The following SLC44A3 variants were observed in gnomAD, a reference collection of about 807,000 sequenced individuals.
SLC44A3 encodes choline transporter-like protein 3.
A neutral mutation model predicts 75.4 loss-of-function variants in SLC44A3; 74 were observed. The observed-to-expected ratio is 0.98, with a 90% CI of 0.81 to 1.19. SLC44A3 has a LOEUF of 1.19. Ranked by LOEUF, SLC44A3 falls within the 50% of genes most tolerant of loss-of-function variation. The probability of loss-of-function intolerance (pLI) is 0.00; values close to 1 mark genes in which losing one functional copy is unlikely to be tolerated. For synonymous variants in SLC44A3, 310 were observed against 296.9 expected (o/e 1.04, Z -0.45); for missense variants, 700 against 778.6 (o/e 0.90, Z 1.20).
chr1:94,837,841 A>G lies in SLC44A3; in HGVS notation c.640A>G (p.Thr214Ala). ...AAGTGGAATCATGTCGGGAAGAGATACAATCCTTGGCCTGTGTATCCTCGC... is the reference window on the plus strand; with the variant it reads ...AAGTGGAATCATGTCGGGAAGAGATGCAATCCTTGGCCTGTGTATCCTCGC... Reference protein sequence around the residue: ...ILSGIMSGRDTILGLCILALA... With the variant: ...ILSGIMSGRDAILGLCILALA... Residue 214 changes from threonine (T) to alanine (A), a missense_variant, in exon 6 of 15, where the codon ACA becomes GCA. Physicochemically the swap from Thr to Ala is moderately conservative, Grantham distance 58. Coordinates refer to ENST00000271227, the MANE Select transcript of SLC44A3 (RefSeq NM_001114106.3). 1 of 1,609,820 alleles carries G rather than the reference A, an allele frequency of 6.2e-7. No homozygotes were observed. The highest frequency in any genetic ancestry group is 1.1e-5 in the South Asian group (1 of 89,574).
chr1:94,827,766 T>A, intron 4 of SLC44A3, 123 bp downstream of exon 4: 1 of 1,203,396 alleles, frequency 8.3e-7, no homozygotes, highest in East Asian at 2.4e-5. Context: ...TCCTTGTGGG[T>A]GCCTCTTTTT....
chr1:94,856,763 C>G (rs553155251), intron 9 of SLC44A3, among the ~76,000 whole-genome samples: 1 of 152,186 alleles, frequency 6.6e-6, no homozygotes, highest in East Asian at 1.9e-4. Context: ...TGGAATCTTG[C>G]TCTGTCACCC....
At chr1:94,858,707 A>G (rs199516647) in intron 10 of SLC44A3, among the ~76,000 whole-genome samples, 3 of 110,444 alleles carry the variant, frequency 2.7e-5, no homozygotes, top group South Asian at 3.1e-4. Flanking sequence ...TTGTTTGTTT[A>G]TTGAGACGGA....
At chr1:94,859,680 G>A (rs1350483481) in intron 10 of SLC44A3, among the ~76,000 whole-genome samples, 1 of 152,204 alleles carries the variant, frequency 6.6e-6, no homozygotes, top group Non-Finnish European at 1.5e-5. Flanking sequence ...AGAGGGCCTG[G>A]ACTTGGGGTA....
chr1:94,857,293 G>A (rs11803046), intron 9 of SLC44A3, 42 bp from the exon 10 acceptor site: 9 of 1,525,506 alleles, frequency 5.9e-6, no homozygotes, highest in Non-Finnish European at 7.9e-6. Context: ...TTCATGCTTA[G>A]GAAAACATTG....
chr1:94,850,828 TC>T (rs1665126042), intron 9 of SLC44A3, among the ~76,000 whole-genome samples: 1 of 152,228 alleles, frequency 6.6e-6, no homozygotes, highest in African/African-American at 2.4e-5. Context: ...TTCTTTGCTT[TC>T]TCTGGCACAT....
Position 94,895,203 on chromosome 1 carries a change from T to C in SLC44A3, c.*281T>C, listed in dbSNP as rs758348101. The C allele has an allele frequency of 5.6e-5, 16 of 285,950 alleles. No individual in the cohort carries two copies. The highest frequency in any genetic ancestry group is 9.3e-5 in the Admixed American group (2 of 21,492). 17.7% of individuals were successfully genotyped at this position (285,950 alleles called of 1,614,324 possible). A position where few individuals can be genotyped will look rare whatever the true frequency, so the allele number is the denominator to read the frequency against. ...TACACTATGTAAGAACTGAGGTAAGTTTGTAAGTGCACAACTAATAAATAA... is the reference window on the plus strand; with the variant it reads ...TACACTATGTAAGAACTGAGGTAAGCTTGTAAGTGCACAACTAATAAATAA... On this transcript the variant is annotated 3_prime_UTR_variant, in exon 15 of 15. Transcript: ENST00000271227.
chr1:94,829,637 T>G (rs1661857350), intron 5 of SLC44A3, among the ~76,000 whole-genome samples: 1 of 152,236 alleles, frequency 6.6e-6, no homozygotes, highest in African/African-American at 2.4e-5. Flanking sequence ...TGAGTGTTTA[T>G]TGCCACCATT....
chr1:94,822,301 C>T (rs924689264), intron 2 of SLC44A3, among the ~76,000 whole-genome samples: 7 of 152,118 alleles, frequency 4.6e-5, no homozygotes, highest in African/African-American at 1.7e-4. Flanking sequence ...AGAGGTGGCA[C>T]GGAGCTGGAA....
chr1:94,841,918 G>GACTT, intron 7 of SLC44A3, 82 bp from the exon 8 acceptor site: 1 of 1,499,532 alleles, frequency 6.7e-7, no homozygotes, highest in East Asian at 2.5e-5. Flanking sequence ...GCAGTGGCTG[G>GACTT]ACTTCCTGTG....
chr1:94,848,835 C>T lies in SLC44A3; in HGVS notation c.1072+3371C>T, dbSNP rs115397872. ...AGCTATGGGAACACCAGAACAAGGC[C>T]GTAACCCATGCTGTGAGTCAGGGAG... On this transcript the variant is annotated intron_variant, in intron 9 of 14. Transcript: ENST00000271227. 8.0e-3 allele frequency among the ~76,000 whole-genome samples: 1,210 copies of T among 152,156 alleles called. 20 individuals are homozygous for T. The highest frequency in any genetic ancestry group is 0.028 in the African/African-American group (1,149 of 41,518).
At chr1:94,838,759 A>C (rs1663159362) in intron 6 of SLC44A3, among the ~76,000 whole-genome samples, 1 of 152,224 alleles carries the variant, frequency 6.6e-6, no homozygotes, top group Admixed American at 6.5e-5. Context: ...GACTCAAACA[A>C]GATGCTTTGA....
chr1:94,855,623 T>G (rs1665780511), intron 9 of SLC44A3, among the ~76,000 whole-genome samples: 1 of 152,154 alleles, frequency 6.6e-6, no homozygotes. Context: ...AACATTAACC[T>G]CTCTATAAAT....
rs1472343799 is a variant in SLC44A3, at chr1:94,840,181, T to G, written c.760+144T>G. On this transcript the variant is annotated intron_variant, in intron 7 of 14. Transcript: ENST00000271227. ...CTGTCACTTTACAAATGAGAAAACT[T>G]GGCCTCAGGGAGGACGATGGGAGTT... The G allele has an allele frequency of 4.3e-6, 3 of 690,240 alleles. No individual in the cohort carries two copies. In the African/African-American group the frequency reaches 5.4e-5, roughly 12 times the overall value. The allele number at this position is 690,240 out of a possible 1,614,324, so 42.8% of individuals were successfully genotyped here.
chr1:94,825,660 T>G (rs1277934685), intron 3 of SLC44A3, among the ~76,000 whole-genome samples: 1 of 152,172 alleles, frequency 6.6e-6, no homozygotes, highest in Non-Finnish European at 1.5e-5. Flanking sequence ...ATAATAAAAG[T>G]AGCTCCTAGA....
intron 12 of SLC44A3, among the ~76,000 whole-genome samples, chr1:94,879,878 AG>A (rs1209611102): frequency 6.6e-6 from 1 of 152,126 alleles, no homozygotes; most frequent in East Asian, 1.9e-4. Context: ...AAGGACTTGA[AG>A]AGACATTTCT....
At chr1:94,853,792 G>A (rs1665513506) in intron 9 of SLC44A3, among the ~76,000 whole-genome samples, 1 of 152,094 alleles carries the variant, frequency 6.6e-6, no homozygotes, top group East Asian at 1.9e-4. Context: ...GGCAGAAGAA[G>A]GGGAAACAAA....
At position 94,820,370 on chromosome 1, in the gene SLC44A3, GC is replaced by G; in HGVS notation, c.-78del. 7.3e-7 allele frequency: 1 copy of G among 1,363,574 alleles called. No individual in the cohort carries two copies. The highest frequency in any genetic ancestry group is 9.4e-7 in the Non-Finnish European group (1 of 1,061,266). 84.5% of individuals were successfully genotyped at this position (1,363,574 alleles called of 1,614,324 possible). A position where few individuals can be genotyped will look rare whatever the true frequency, so the allele number is the denominator to read the frequency against. On this transcript the variant is annotated 5_prime_UTR_variant, in exon 1 of 15. Transcript: ENST00000271227. ...AGCCCCAGCCCCAGCCCCGGCCCCG[GC>G]CCCGGCTCGCGGGCGCTGCGTCTCC... is the stretch of plus-strand genomic sequence containing the variant.
chr1:94,831,461 T>C lies in SLC44A3; in HGVS notation c.509+2875T>C, dbSNP rs186659666. 1.1e-3 allele frequency among the ~76,000 whole-genome samples: 175 copies of C among 152,356 alleles called. 1 individual carries two copies. Among genetic ancestry groups the C allele is most frequent in the African/African-American group, 4.0e-3 (168 of 41,586 alleles). ...CCTCTTTTTGACTAAACTGATTGTT[T>C]CTTCCTCGTCTGTCGGTCATGTGAG... On this transcript the variant is annotated intron_variant, in intron 5 of 14. Coordinates refer to ENST00000271227, the MANE Select transcript of SLC44A3 (RefSeq NM_001114106.3).
Sources: allele counts gnomAD v4.1 joint callset (sites outside exome capture counted in the v4.1 genomes callset), GRCh38; gene constraint gnomAD v4.1.1; transcripts MANE v1.5; gene names NCBI Gene and HGNC (gene_info 2026-07-23, HGNC 2026-07-21).